CORO2B: variants seen among roughly 807,000 people sequenced by gnomAD.
The protein encoded by CORO2B is coronin-2B.
In CORO2B, 26 loss-of-function variants were observed where a neutral mutation model predicts 58.8. That is an observed-to-expected ratio of 0.44 (90% CI 0.32 to 0.61). The LOEUF (loss-of-function observed/expected upper bound fraction) is 0.61, where lower values mean the gene tolerates loss of function less well. Among genes scored for constraint, CORO2B ranks in the 20% least tolerant of loss-of-function variants. The pLI is 0.04. For missense variants in CORO2B, 460 were observed against 645.1 expected, an observed-to-expected ratio of 0.71 and a Z score of 3.11; for synonymous variants, 242 against 253.8, an observed-to-expected ratio of 0.95 and a Z score of 0.44.
intron 3 of CORO2B, among the ~76,000 whole-genome samples, chr15:68,702,122 A>G (rs112304058): frequency 2.6e-5 from 4 of 152,174 alleles, no homozygotes; most frequent in African/African-American, 9.6e-5. Flanking sequence ...GGGAAGAAGG[A>G]AAAATCAGGT....
chr15:68,551,148 G>A, the CORO2B span, among the ~76,000 whole-genome samples: 3 of 152,074 alleles, frequency 2.0e-5, no homozygotes, highest in Non-Finnish European at 4.4e-5. Context: ...CCCAGCACTC[G>A]CTTTCCAAAG....
chr15:68,627,278 C>T (rs1900709155), intron 1 of CORO2B, among the ~76,000 whole-genome samples: 1 of 152,190 alleles, frequency 6.6e-6, no homozygotes. Context: ...ACTAAGACAT[C>T]ATCCCAACCA....
At position 68,605,811 on chromosome 15, in the gene CORO2B, A is replaced by T. The variant is rs9630434; in HGVS notation, c.15+26534A>T. Among the ~76,000 whole-genome samples, 4 of 139,274 alleles carry T rather than the reference A, an allele frequency of 2.9e-5. No individual in the cohort carries two copies. The South Asian group carries it at 9.2e-4, about 32-fold the overall frequency. 91.4% of individuals were successfully genotyped at this position (139,274 alleles called of 152,430 possible). A position where few individuals can be genotyped will look rare whatever the true frequency, so the allele number is the denominator to read the frequency against. On this transcript the variant is annotated intron_variant, in intron 1 of 11. Coordinates refer to ENST00000261861, the MANE Select transcript of CORO2B (RefSeq NM_006091.5). ...AATATCTCAGCTCACTGCAACCTCCACCTCCCGGGTTCAAGCAATTCTCCT... is the reference window on the plus strand; with the variant it reads ...AATATCTCAGCTCACTGCAACCTCCTCCTCCCGGGTTCAAGCAATTCTCCT...
the CORO2B span, among the ~76,000 whole-genome samples, chr15:68,547,945 T>C: frequency 2.0e-5 from 3 of 151,378 alleles, no homozygotes; most frequent in Non-Finnish European, 4.4e-5. Flanking sequence ...TTGAGGCGGG[T>C]GGATCACTTG....
intron 1 of CORO2B, among the ~76,000 whole-genome samples, chr15:68,618,569 A>G (rs1202639003): frequency 6.6e-6 from 1 of 152,386 alleles, no homozygotes; most frequent in Non-Finnish European, 1.5e-5. Flanking sequence ...TGCCTGGCAC[A>G]TGAGCAGTGC....
At chr15:68,704,239 GA>G (rs111998279) in intron 3 of CORO2B, among the ~76,000 whole-genome samples, 4,744 of 138,630 alleles carry the variant, frequency 0.034, 225 homozygotes, top group African/African-American at 0.11. Context: ...GACCGTGTCT[GA>G]AAAAAAAAAA....
At chr15:68,588,822 A>G (rs34481026) in intron 1 of CORO2B, among the ~76,000 whole-genome samples, 28,765 of 148,960 alleles carry the variant, frequency 0.19, 2,943 homozygotes, top group Middle Eastern at 0.31. Flanking sequence ...GGACAAAGGG[A>G]TTTAATTCCT....
chr15:68,694,076 T>C (rs544609944), intron 2 of CORO2B, among the ~76,000 whole-genome samples: 5 of 152,260 alleles, frequency 3.3e-5, no homozygotes, highest in African/African-American at 1.2e-4. Context: ...CGTCAGGTGA[T>C]CTGCCCGCCT....
intron 2 of CORO2B, among the ~76,000 whole-genome samples, chr15:68,648,331 A>T (rs1595988426): frequency 4.1e-5 from 2 of 48,562 alleles, no homozygotes; most frequent in African/African-American, 2.5e-4. Flanking sequence ...GATTCCAGCT[A>T]AAAAAAAAAA....
At chr15:68,720,479 C>G (rs762400989) in intron 11 of CORO2B, among the ~76,000 whole-genome samples, 1 of 152,214 alleles carries the variant, frequency 6.6e-6, no homozygotes, top group East Asian at 1.9e-4. Flanking sequence ...GGCTGAAGGT[C>G]TCTCATGAGG....
chr15:68,677,229 C>T (rs565632992), intron 2 of CORO2B, among the ~76,000 whole-genome samples: 1 of 152,344 alleles, frequency 6.6e-6, no homozygotes, highest in South Asian at 2.1e-4. Flanking sequence ...CCCAATTGAA[C>T]CCCAAGCCCC....
intron 1 of CORO2B, among the ~76,000 whole-genome samples, chr15:68,598,362 G>A (rs923382085): frequency 3.9e-5 from 6 of 152,220 alleles, no homozygotes; most frequent in Non-Finnish European, 4.4e-5. Context: ...TTGGTAGGGG[G>A]TGGAGATAAA....
chr15:68,568,661 C>T, the CORO2B span, among the ~76,000 whole-genome samples: 3 of 152,124 alleles, frequency 2.0e-5, no homozygotes, highest in East Asian at 1.9e-4. Flanking sequence ...GCTCATTTAC[C>T]GCAGCCTGAG....
At chr15:68,617,541 G>GTGACTATATA (rs1332433966) in intron 1 of CORO2B, among the ~76,000 whole-genome samples, 1 of 152,172 alleles carries the variant, frequency 6.6e-6, no homozygotes, top group African/African-American at 2.4e-5. Flanking sequence ...GTGTGTGTCT[G>GTGACTATATA]TGACTATATA....
the CORO2B span, among the ~76,000 whole-genome samples, chr15:68,567,621 C>A: frequency 6.6e-6 from 1 of 152,232 alleles, no homozygotes; most frequent in Non-Finnish European, 1.5e-5. Context: ...CTCGCCCTTT[C>A]TGAAACTACA....
intron 1 of CORO2B, among the ~76,000 whole-genome samples, chr15:68,599,344 C>T (rs748298635): frequency 6.6e-6 from 1 of 152,230 alleles, no homozygotes; most frequent in Non-Finnish European, 1.5e-5. Flanking sequence ...TGGGAGGGAG[C>T]GTGTCGCGCC....
chr15:68,580,883 A>G (rs1196541213), intron 1 of CORO2B, among the ~76,000 whole-genome samples: 1 of 152,100 alleles, frequency 6.6e-6, no homozygotes, highest in Non-Finnish European at 1.5e-5. Context: ...GAGGCCTGCA[A>G]GGAAGGTGTG....
intron 1 of CORO2B, among the ~76,000 whole-genome samples, chr15:68,626,616 CAG>C (rs373351639): frequency 1.4e-4 from 22 of 152,290 alleles, no homozygotes; most frequent in African/African-American, 4.8e-4. Flanking sequence ...GCAAGAGACT[CAG>C]AGTCTTCCCG....
At chr15:68,553,019 C>T in the CORO2B span, among the ~76,000 whole-genome samples, 2 of 152,352 alleles carry the variant, frequency 1.3e-5, no homozygotes, top group East Asian at 1.9e-4. Context: ...CCAGGCACCA[C>T]GCCAGGCCCC....
Sources: gnomAD v4.1 joint callset for allele counts (sites outside exome capture counted in the v4.1 genomes callset) on GRCh38, gnomAD v4.1.1 for gene constraint, MANE v1.5 for transcripts, NCBI Gene and HGNC (gene_info 2026-07-23, HGNC 2026-07-21) for gene names.